Variants in SLC9B1 observed in about 807,000 individuals in gnomAD.
SLC9B1 encodes the protein sodium/hydrogen exchanger 9B1.
A neutral mutation model predicts 51.7 loss-of-function variants in SLC9B1; 32 were observed. The observed-to-expected ratio is 0.62, with a 90% CI of 0.47 to 0.83. The LOEUF is 0.83. Among genes scored for constraint, SLC9B1 ranks in the 40% least tolerant of loss-of-function variants. The pLI is 0.00. For missense variants in SLC9B1, 406 were observed against 613.2 expected, an observed-to-expected ratio of 0.66 and a Z score of 3.57; for synonymous variants, 145 against 212.7, an observed-to-expected ratio of 0.68 and a Z score of 2.77.
chr4:103,005,176 A>G (rs1163317855), intron 1 of SLC9B1, among the ~76,000 whole-genome samples: 2 of 151,978 alleles, frequency 1.3e-5, no homozygotes, highest in Non-Finnish European at 2.9e-5. Flanking sequence ...ACCCAACAAT[A>G]TACTGTCTTC....
chr4:102,943,661 T>G (rs1737128756), intron 6 of SLC9B1, among the ~76,000 whole-genome samples: 2 of 152,174 alleles, frequency 1.3e-5, no homozygotes, highest in South Asian at 4.1e-4. Context: ...CCAAACATTG[T>G]ATGTTCTGAC....
At chr4:102,957,772 A>ATG (rs889991260) in intron 3 of SLC9B1, among the ~76,000 whole-genome samples, 7 of 150,246 alleles carry the variant, frequency 4.7e-5, no homozygotes, top group African/African-American at 1.2e-4. Flanking sequence ...GTATGTGTGT[A>ATG]TGTGTGTATA....
At chr4:102,911,619 T>C in intron 7 of SLC9B1, 82 bp from the exon 8 acceptor site, 1 of 826,924 alleles carries the variant, frequency 1.2e-6, no homozygotes, top group Non-Finnish European at 1.9e-6. Flanking sequence ...ATCTAGGTGG[T>C]TCATGAAGAA....
chr4:102,976,868 C>G (rs1739097723), intron 3 of SLC9B1, among the ~76,000 whole-genome samples: 1 of 152,126 alleles, frequency 6.6e-6, no homozygotes, highest in Non-Finnish European at 1.5e-5. Flanking sequence ...ATGTTATGGG[C>G]TGGGTGCAAT....
At chr4:102,995,751 G>A (rs1333982356) in intron 1 of SLC9B1, among the ~76,000 whole-genome samples, 1 of 152,122 alleles carries the variant, frequency 6.6e-6, no homozygotes, top group African/African-American at 2.4e-5. Flanking sequence ...TTTCATAACT[G>A]TGGGAAGTGA....
At chr4:102,965,002 C>T (rs553595004) in intron 3 of SLC9B1, among the ~76,000 whole-genome samples, 3 of 152,012 alleles carry the variant, frequency 2.0e-5, no homozygotes, top group African/African-American at 7.2e-5. Flanking sequence ...AACACACCCA[C>T]ACACACACAC....
chr4:102,894,258 T>C (rs1034463286), intron 11 of SLC9B1, among the ~76,000 whole-genome samples: 2 of 152,216 alleles, frequency 1.3e-5, no homozygotes, highest in Admixed American at 6.5e-5. Flanking sequence ...AACAAGTATT[T>C]TAAATCATGA....
At chr4:102,960,642 T>C (rs1163317817) in intron 3 of SLC9B1, among the ~76,000 whole-genome samples, 1 of 152,122 alleles carries the variant, frequency 6.6e-6, no homozygotes. Context: ...TACACATCTA[T>C]TGAGTGGTAA....
intron 3 of SLC9B1, among the ~76,000 whole-genome samples, chr4:102,988,996 A>G (rs959699414): frequency 4.6e-5 from 7 of 152,092 alleles, no homozygotes; most frequent in Admixed American, 3.9e-4. Context: ...TATATTTACA[A>G]AGGAGTCCAA....
rs186489430 is a variant in SLC9B1, at chr4:102,940,625, A to G, written c.653+4568T>C. On this transcript the variant is annotated intron_variant, in intron 6 of 11. Coordinates refer to ENST00000296422, the MANE Select transcript of SLC9B1 (RefSeq NM_139173.4). ...ACTACCTGACTTCGAACGGTAGTACAATGCTACAGTAAGCAAAACAGCATG... is the reference window on the plus strand; with the variant it reads ...ACTACCTGACTTCGAACGGTAGTACGATGCTACAGTAAGCAAAACAGCATG... Among the ~76,000 whole-genome samples, 55 of 152,380 alleles carry G rather than the reference A, an allele frequency of 3.6e-4. No individual in the cohort carries two copies. In the East Asian group the frequency reaches 8.1e-3, roughly 22 times the overall value.
chr4:102,972,740 G>A (rs1009442793), intron 3 of SLC9B1, among the ~76,000 whole-genome samples: 16 of 152,056 alleles, frequency 1.1e-4, no homozygotes, highest in African/African-American at 3.9e-4. Flanking sequence ...TCATCAAAAT[G>A]TGCATTTAAA....
At position 102,910,452 on chromosome 4, in the gene SLC9B1, C is replaced by A; in HGVS notation, c.1073G>T (p.Trp358Leu). The A allele has an allele frequency of 2.6e-6, 4 of 1,547,822 alleles. No individual in the cohort carries two copies. The highest frequency in any genetic ancestry group is 3.5e-6 in the Non-Finnish European group (4 of 1,156,188). ...LVLSFIAGTKWSQEKMKVQKI... is the reference protein window; with the variant it reads ...LVLSFIAGTKLSQEKMKVQKI... ...AAAAATATTCACCTTTTCTTGGGAC[C>A]ATTTTGTCCCTGCAATGAAACTCAA... Residue 358 changes from tryptophan to leucine, a missense_variant, in exon 9 of 12, where the codon TGG (tryptophan) becomes TTG (leucine). By Grantham distance (61) the Trp-to-Leu change is moderately conservative (BLOSUM62 -2). This residue lies in a region of SLC9B1 where 250 missense variants were observed against 394.1 expected (regional missense o/e 0.63). Coordinates refer to ENST00000296422, the MANE Select transcript of SLC9B1 (RefSeq NM_139173.4).
rs577373520 is a variant in SLC9B1, at chr4:102,911,430, C to T, written c.936+1G>A. The T allele has an allele frequency of 3.3e-4, 522 of 1,582,206 alleles. No individual in the cohort carries two copies. The highest frequency in any genetic ancestry group is 4.2e-4 in the Non-Finnish European group (490 of 1,166,372). ...TTCTATAAAATAGATTTTGTATTTA[C>T]CTGGTCTTCACTTGGAAAATATCGA... On this transcript the variant is annotated splice_donor_variant, in intron 8 of 11. Coordinates refer to ENST00000296422, the MANE Select transcript of SLC9B1 (RefSeq NM_139173.4). LOFTEE classifies it high-confidence loss of function.
At chr4:102,898,583 T>C (rs1734646113), downstream of SLC9B1, among the ~76,000 whole-genome samples, 1 of 152,266 alleles carries the variant, frequency 6.6e-6, no homozygotes, top group Non-Finnish European at 1.5e-5. Flanking sequence ...AGAATGTCAC[T>C]TCTGTTTTAA....
intron 9 of SLC9B1, among the ~76,000 whole-genome samples, chr4:102,909,610 A>G (rs1216473685): frequency 2.0e-5 from 3 of 152,246 alleles, no homozygotes; most frequent in Non-Finnish European, 4.4e-5. Flanking sequence ...TCTCAAAAAA[A>G]AAGACATGAA....
chr4:102,910,328 G>T, intron 9 of SLC9B1, 111 bp downstream of exon 9: 2 of 899,202 alleles, frequency 2.2e-6, no homozygotes, highest in Non-Finnish European at 3.2e-6. Flanking sequence ...CTTTCTTGAG[G>T]ACAGAAAACC....
intron 3 of SLC9B1, among the ~76,000 whole-genome samples, chr4:102,989,392 T>C (rs570686642): frequency 4.5e-4 from 68 of 152,148 alleles, no homozygotes; most frequent in African/African-American, 1.4e-3. Context: ...GCAAGTGTTA[T>C]ACAACTTTTT....
At chr4:103,005,729 A>T (rs184190289) in intron 1 of SLC9B1, among the ~76,000 whole-genome samples, 3 of 152,294 alleles carry the variant, frequency 2.0e-5, no homozygotes, top group Admixed American at 6.5e-5. Context: ...CAGCAAATTT[A>T]AAAAAACTGA....
At chr4:102,975,924 A>T (rs1045595753) in intron 3 of SLC9B1, among the ~76,000 whole-genome samples, 1 of 152,016 alleles carries the variant, frequency 6.6e-6, no homozygotes, top group Non-Finnish European at 1.5e-5. Context: ...GACATTGATG[A>T]GACCACATAG....
Sources: gnomAD v4.1 joint callset for allele counts (sites outside exome capture counted in the v4.1 genomes callset) on GRCh38, gnomAD v4.1.1 for gene constraint, gnomAD v4.1.1 regional missense constraint, MANE v1.5 for transcripts, NCBI Gene and HGNC (gene_info 2026-07-23, HGNC 2026-07-21) for gene names.